Variants in DPP10 observed in about 807,000 individuals in gnomAD.
The protein encoded by DPP10 is inactive dipeptidyl peptidase 10.
DPP10 carries 33 observed loss-of-function variants against 120.9 expected under a neutral mutation model. That is an observed-to-expected ratio of 0.27 (90% CI 0.21 to 0.37). The LOEUF (loss-of-function observed/expected upper bound fraction) is 0.37. DPP10 is among the 10% of genes least tolerant of loss of function. The pLI is 1.00. For synonymous variants in DPP10, 337 were observed against 326.1 expected (o/e 1.03, Z -0.36); for missense variants, 816 against 942.8 (o/e 0.87, Z 1.76).
chr2:115,783,161 C>T (rs1682964092), intron 17 of DPP10, among the ~76,000 whole-genome samples: 1 of 151,690 alleles, frequency 6.6e-6, no homozygotes, highest in African/African-American at 2.4e-5. Flanking sequence ...CTAATAATGG[C>T]TCATATTTAT....
chr2:115,606,797 A>G (rs1265158600), intron 5 of DPP10, among the ~76,000 whole-genome samples: 1 of 152,320 alleles, frequency 6.6e-6, no homozygotes, highest in East Asian at 1.9e-4. Flanking sequence ...AAGCACTCCT[A>G]CAACAAAAGC....
chr2:115,776,440 A>G (rs1026860933), intron 13 of DPP10, among the ~76,000 whole-genome samples: 3 of 152,078 alleles, frequency 2.0e-5, no homozygotes, highest in African/African-American at 7.2e-5. Context: ...AAAGGACATG[A>G]ACTCATCCTT....
At chr2:114,731,423 G>A (rs1396618805) in intron 1 of DPP10, among the ~76,000 whole-genome samples, 1 of 152,114 alleles carries the variant, frequency 6.6e-6, no homozygotes, top group African/African-American at 2.4e-5. Context: ...GAGAGCAGCT[G>A]TAAACTCTAG....
chr2:115,509,831 A>T lies in DPP10; in HGVS notation c.366+10227A>T, dbSNP rs529847870. Among the ~76,000 whole-genome samples, 194 of 152,272 alleles carry T rather than the reference A, an allele frequency of 1.3e-3. 2 individuals are homozygous for T. The highest frequency in any genetic ancestry group is 4.6e-3 in the African/African-American group (191 of 41,568). On this transcript the variant is annotated intron_variant, in intron 4 of 25. Transcript: ENST00000410059. The stretch of plus-strand genomic sequence containing the variant: ...ATGGATTTGCCTTCCTAGCAATGGT[A>T]TAAGAGGGGCTTGATTAATTCACAT...
At chr2:115,186,198 T>G (rs1352100090) in intron 1 of DPP10, among the ~76,000 whole-genome samples, 2 of 152,256 alleles carry the variant, frequency 1.3e-5, no homozygotes, top group African/African-American at 4.8e-5. Flanking sequence ...TATTCATTCC[T>G]GGTCTTAGTT....
intron 1 of DPP10, among the ~76,000 whole-genome samples, chr2:115,036,195 C>G (rs1001799146): frequency 8.5e-5 from 13 of 152,070 alleles, no homozygotes; most frequent in Non-Finnish European, 1.9e-4. Flanking sequence ...AATGCCAGAC[C>G]CTTGTAAAAT....
chr2:114,637,624 C>A (rs894089077), intron 1 of DPP10, among the ~76,000 whole-genome samples: 3 of 151,858 alleles, frequency 2.0e-5, no homozygotes, highest in African/African-American at 7.3e-5. Context: ...TGAGGTCTCA[C>A]ATTTAAATCT....
intron 5 of DPP10, among the ~76,000 whole-genome samples, chr2:115,537,563 GTTTTTTT>G (rs11392457): frequency 3.0e-4 from 39 of 128,650 alleles, no homozygotes; most frequent in African/African-American, 1.1e-3. Flanking sequence ...ACACATCACT[GTTTTTTT>G]TTTTTTTTTT....
At chr2:115,733,526 G>A (rs1244478510) in intron 8 of DPP10, among the ~76,000 whole-genome samples, 2 of 151,870 alleles carry the variant, frequency 1.3e-5, no homozygotes, top group East Asian at 3.9e-4. Flanking sequence ...TGTAAATGGG[G>A]AGTGAGAAAG....
At chr2:115,439,495 A>G (rs1046990133) in intron 3 of DPP10, among the ~76,000 whole-genome samples, 1 of 152,212 alleles carries the variant, frequency 6.6e-6, no homozygotes, top group South Asian at 2.1e-4. Flanking sequence ...TTTTATCACA[A>G]CAAAAATAGA....
intron 1 of DPP10, among the ~76,000 whole-genome samples, chr2:115,077,092 A>G (rs1052004977): frequency 6.6e-6 from 1 of 152,144 alleles, no homozygotes; most frequent in African/African-American, 2.4e-5. Context: ...CACTACTAAC[A>G]TCTCCATGAA....
chr2:115,649,610 G>T (rs373332957), intron 5 of DPP10, among the ~76,000 whole-genome samples: 2 of 151,920 alleles, frequency 1.3e-5, no homozygotes, highest in Non-Finnish European at 1.5e-5. Context: ...TGGGGTTAAT[G>T]TTTTGTTTCC....
intron 5 of DPP10, among the ~76,000 whole-genome samples, chr2:115,600,264 T>G (rs1301664485): frequency 6.6e-6 from 1 of 152,154 alleles, no homozygotes; most frequent in African/African-American, 2.4e-5. Flanking sequence ...TATCCAGCAT[T>G]TAGTTATTTG....
chr2:115,825,990 A>C (rs2150077000), intron 21 of DPP10, among the ~76,000 whole-genome samples: 1 of 152,360 alleles, frequency 6.6e-6, no homozygotes, highest in East Asian at 1.9e-4. Flanking sequence ...TTACTTTGTG[A>C]AGCAGGAACA....
At chr2:115,057,932 C>G (rs969289660) in intron 1 of DPP10, among the ~76,000 whole-genome samples, 7 of 152,138 alleles carry the variant, frequency 4.6e-5, no homozygotes, top group Non-Finnish European at 7.3e-5. Flanking sequence ...AGGTACAAGC[C>G]TACTTTTTCT....
Position 114,527,116 on chromosome 2 carries a change from A to C in DPP10, c.60+84278A>C, listed in dbSNP as rs142901042. Among the ~76,000 whole-genome samples the C allele has an allele frequency of 1.3e-3, 202 of 152,282 alleles. 1 individual carries two copies. Among genetic ancestry groups the C allele is most frequent in the African/African-American group, 4.5e-3 (188 of 41,556 alleles). Reference sequence around the variant, plus strand: ...TGGACTCTGTGGTTACCTCTATCATAACTCTTATCACATAGAATGAGATAT... The same window carrying C: ...TGGACTCTGTGGTTACCTCTATCATCACTCTTATCACATAGAATGAGATAT... On this transcript the variant is annotated intron_variant, in intron 1 of 25. Coordinates refer to ENST00000410059, the MANE Select transcript of DPP10 (RefSeq NM_020868.6).
At chr2:114,979,804 T>C (rs1419114746) in intron 1 of DPP10, among the ~76,000 whole-genome samples, 1 of 152,064 alleles carries the variant, frequency 6.6e-6, no homozygotes, top group Admixed American at 6.5e-5. Context: ...ACTTAAAACT[T>C]ATACAATACA....
chr2:115,642,801 A>T (rs2086894031), intron 5 of DPP10, among the ~76,000 whole-genome samples: 1 of 152,052 alleles, frequency 6.6e-6, no homozygotes, highest in South Asian at 2.1e-4. Flanking sequence ...ATACAGACAC[A>T]TTTCTGATTA....
intron 1 of DPP10, chr2:115,161,983 GC>G: frequency 7.1e-7 from 1 of 1,406,938 alleles, no homozygotes; most frequent in Non-Finnish European, 9.2e-7. Flanking sequence ...AGGAGCCGCA[GC>G]CCACCCCGGG....
Sources: gnomAD v4.1 joint callset for allele counts (sites outside exome capture counted in the v4.1 genomes callset) on GRCh38, gnomAD v4.1.1 for gene constraint, MANE v1.5 for transcripts, NCBI Gene and HGNC (gene_info 2026-07-23, HGNC 2026-07-21) for gene names.